The following DDX21 variants were observed in gnomAD, a reference collection of about 807,000 sequenced individuals.
The protein encoded by DDX21 is nucleolar RNA helicase 2.
Under a neutral mutation model 90.0 loss-of-function variants are expected in DDX21, and 18 were observed. The ratio of observed to expected loss-of-function variants is 0.20; its 90% CI spans 0.14 to 0.30. The LOEUF is 0.30. Ranked by LOEUF, DDX21 falls within the 10% of genes least tolerant of loss-of-function variation. DDX21 has a pLI of 1.00. For synonymous variants in DDX21, 294 were observed against 318.0 expected, an observed-to-expected ratio of 0.92 and a Z score of 0.80; for missense variants, 673 against 944.5, an observed-to-expected ratio of 0.71 and a Z score of 3.77.
rs765316333 is a variant in DDX21, at chr10:68,971,973, T to C, written c.1469T>C (p.Val490Ala). Residue 490 changes from valine (V) to alanine (A), a missense_variant, in exon 9 of 15, where the codon GTT becomes GCT. Physicochemically the swap from Val to Ala is moderately conservative, Grantham distance 64. This residue lies in a region of DDX21 where 26 missense variants were observed against 76.9 expected (regional missense o/e 0.34). Coordinates refer to ENST00000354185, the MANE Select transcript of DDX21 (RefSeq NM_004728.4). ...GGTTTTAGAAATGGTAGTTTTGGAG[T>C]TTTGGTGGCAACCAATGTTGCTGCA... ...LKGFRNGSFG[V>A]LVATNVAARG... 4 of 1,614,022 alleles carry C rather than the reference T, an allele frequency of 2.5e-6. No individual in the cohort carries two copies. In the Admixed American group the frequency reaches 5.0e-5, roughly 20 times the overall value.
chr10:68,958,281 T>A (rs1842827282), intron 1 of DDX21, among the ~76,000 whole-genome samples: 1 of 151,764 alleles, frequency 6.6e-6, no homozygotes, highest in African/African-American at 2.4e-5. Flanking sequence ...GCCCTTTTAT[T>A]TTTTGTAGAG....
Position 68,959,881 on chromosome 10 carries a change from G to A in DDX21, c.163G>A (p.Ala55Thr). The A allele has an allele frequency of 6.2e-7, 1 of 1,600,138 alleles. No individual in the cohort carries two copies. The highest frequency in any genetic ancestry group is 8.5e-7 in the Non-Finnish European group (1 of 1,177,256). ...AGAGGAAGAAACTGTTTTCCCCAAA[G>A]CTAAACAAGTTAAAAAGAAAGCAGA... ...AEEEETVFPKAKQVKKKAEPS... is the reference protein window; with the variant it reads ...AEEEETVFPKTKQVKKKAEPS... The change falls in exon 2 of 15, where the codon GCT (alanine) becomes ACT (threonine). Residue 55 changes from alanine (A) to threonine (T), a missense_variant. Physicochemically the swap from Ala to Thr is moderately conservative, Grantham distance 58. Around this residue, in one of 4 missense-constraint regions of DDX21, gnomAD observed 204 missense variants for 221.6 expected, o/e 0.92. Coordinates refer to ENST00000354185, the MANE Select transcript of DDX21 (RefSeq NM_004728.4).
At chr10:68,980,961 A>G (rs531297511) in intron 13 of DDX21, among the ~76,000 whole-genome samples, 20 of 148,930 alleles carry the variant, frequency 1.3e-4, no homozygotes, top group Middle Eastern at 3.5e-3. Context: ...CTTAAGAGGG[A>G]AAAAAAAAAG....
Position 68,956,202 on chromosome 10 carries a change from C to A in DDX21, c.-24C>A. 6.2e-7 allele frequency: 1 copy of A among 1,612,522 alleles called. No homozygotes were observed. Among genetic ancestry groups the A allele is most frequent in the African/African-American group, 1.3e-5 (1 of 75,022 alleles). On this transcript the variant is annotated 5_prime_UTR_variant, in exon 1 of 15. Coordinates refer to ENST00000354185, the MANE Select transcript of DDX21 (RefSeq NM_004728.4). ...TCTCCACGCGGTTGAGAAGACCGGT[C>A]GGCCTGGGCAACCTGCGCTGAAGAT...
chr10:68,984,477 T>C lies in DDX21; in HGVS notation c.*1665T>C, dbSNP rs1024700918. 6.6e-6 allele frequency: 1 copy of C among 152,230 alleles called. No individual in the cohort carries two copies. Among genetic ancestry groups the C allele is most frequent in the African/African-American group, 2.4e-5 (1 of 41,470 alleles). 9.4% of individuals were successfully genotyped at this position (152,230 alleles called of 1,614,324 possible). On this transcript the variant is annotated 3_prime_UTR_variant, in exon 15 of 15. Transcript: ENST00000354185. Reference sequence around the variant, plus strand: ...TTATTCCTTGATCCACTTGCCAGTTTTATCACTTTACCCTTGTTCCTCATG... The same window carrying C: ...TTATTCCTTGATCCACTTGCCAGTTCTATCACTTTACCCTTGTTCCTCATG...
intron 11 of DDX21, among the ~76,000 whole-genome samples, chr10:68,977,091 C>T (rs1488965399): frequency 2.0e-5 from 3 of 151,750 alleles, no homozygotes; most frequent in African/African-American, 7.3e-5. Flanking sequence ...TTTTAAACTT[C>T]AGAATGGAAA....
intron 7 of DDX21, 75 bp downstream of exon 7, chr10:68,969,196 A>G: frequency 7.2e-7 from 1 of 1,382,538 alleles, no homozygotes; most frequent in Non-Finnish European, 9.8e-7. Flanking sequence ...TAAGACTGGC[A>G]AATGCTCTTT....
intron 2 of DDX21, among the ~76,000 whole-genome samples, chr10:68,960,895 T>C (rs1010729171): frequency 2.0e-5 from 3 of 152,106 alleles, no homozygotes; most frequent in Admixed American, 6.6e-5. Flanking sequence ...ACAGAAGAGA[T>C]ACAGTTTTGT....
In DDX21 at chr10:68,956,231, G is replaced by A; in HGVS notation, c.6G>A (p.Pro2=). The part of the protein sequence containing the change: M[P]GKLRSDAGLE... ...CTGGGCAACCTGCGCTGAAGATGCC[G>A]GGAAAACTCCGTAGTGACGCTGGTT... Residue 2 remains proline (P), a synonymous_variant, in exon 1 of 15, where the codon CCG becomes CCA. Coordinates refer to ENST00000354185, the MANE Select transcript of DDX21 (RefSeq NM_004728.4). 2 of 1,614,010 alleles carry A rather than the reference G, an allele frequency of 1.2e-6. No individual in the cohort carries two copies. Among genetic ancestry groups the A allele is most frequent in the Admixed American group, 1.7e-5 (1 of 60,008 alleles).
At chr10:68,974,825 TAAA>T in intron 11 of DDX21, 82 bp downstream of exon 11, 3 of 1,243,666 alleles carry the variant, frequency 2.4e-6, no homozygotes, top group East Asian at 2.7e-5. Context: ...AGATTTGACT[TAAA>T]AAAATTTTTT....
At chr10:68,971,138 C>CA (rs1208726945) in intron 8 of DDX21, among the ~76,000 whole-genome samples, 1 of 151,464 alleles carries the variant, frequency 6.6e-6, no homozygotes, top group Non-Finnish European at 1.5e-5. Context: ...TCATGTGCCA[C>CA]ATATTATCAT....
chr10:68,957,929 A>G (rs973649491), intron 1 of DDX21, among the ~76,000 whole-genome samples: 2 of 152,126 alleles, frequency 1.3e-5, no homozygotes, highest in African/African-American at 2.4e-5. Flanking sequence ...AGTAGTATGA[A>G]AAGTTGTAGA....
At chr10:68,980,171 C>G (rs1843165195) in intron 13 of DDX21, among the ~76,000 whole-genome samples, 1 of 152,042 alleles carries the variant, frequency 6.6e-6, no homozygotes, top group African/African-American at 2.4e-5. Context: ...ACCCGGGTGG[C>G]AGAGGTTGCG....
chr10:68,971,648 G>C (rs1564628389), intron 8 of DDX21, among the ~76,000 whole-genome samples: 1 of 152,168 alleles, frequency 6.6e-6, no homozygotes. Flanking sequence ...TGATAAAATA[G>C]GTTTGATCAC....
At chr10:68,976,426 T>C (rs567500096) in intron 11 of DDX21, among the ~76,000 whole-genome samples, 16 of 152,126 alleles carry the variant, frequency 1.1e-4, no homozygotes, top group Admixed American at 9.2e-4. Context: ...TAGCTGGGAC[T>C]ACAGGCACCT....
rs373724079 is a variant in DDX21 at position 68,963,474 on chromosome 10, C to T, written c.786+5C>T. 7.5e-6 allele frequency: 12 copies of T among 1,607,192 alleles called. No individual in the cohort carries two copies. The African/African-American group carries it at 8.0e-5, about 11-fold the overall frequency. ...AAGAGAGGCCGTGCCCCTCAGGTAA[C>T]TGTCTTAAATACAAGGGCTCTCAGT... On this transcript the variant is annotated splice_donor_5th_base_variant and intron_variant, in intron 4 of 14. Coordinates refer to ENST00000354185, the MANE Select transcript of DDX21 (RefSeq NM_004728.4).
chr10:68,975,777 G>A (rs1019699747), intron 11 of DDX21, among the ~76,000 whole-genome samples: 3 of 152,016 alleles, frequency 2.0e-5, no homozygotes, highest in African/African-American at 7.3e-5. Context: ...GGCCGGGTGC[G>A]GTGGCTCACA....
rs200756197 is a variant in DDX21 at position 68,982,784 on chromosome 10, G to A, written c.2324G>A (p.Arg775Gln). 8.1e-6 allele frequency: 13 copies of A among 1,613,970 alleles called. No individual in the cohort carries two copies. The highest frequency in any genetic ancestry group is 2.2e-5 in the South Asian group (2 of 91,078). Residue 775 changes from arginine to glutamine, a missense_variant, in exon 15 of 15, where the codon CGG becomes CAG. Transcript: ENST00000354185. Reference protein sequence around the residue: ...SNRSQNKGQKRSFSKAFGQ With the variant: ...SNRSQNKGQKQSFSKAFGQ ...AGATCCCAAAACAAAGGCCAGAAGCGGAGTTTCAGTAAAGCATTTGGTCAA... is the reference window on the plus strand; with the variant it reads ...AGATCCCAAAACAAAGGCCAGAAGCAGAGTTTCAGTAAAGCATTTGGTCAA...
At chr10:68,964,490 G>A (rs1055252183) in intron 4 of DDX21, among the ~76,000 whole-genome samples, 5 of 152,112 alleles carry the variant, frequency 3.3e-5, no homozygotes, top group Non-Finnish European at 5.9e-5. Context: ...AGCCTCCCAA[G>A]TAGCTGGGAT....
Sources: allele counts gnomAD v4.1 joint callset (sites outside exome capture counted in the v4.1 genomes callset), GRCh38; gene constraint gnomAD v4.1.1; regional missense constraint gnomAD v4.1.1; transcripts MANE v1.5; gene names NCBI Gene and HGNC (gene_info 2026-07-23, HGNC 2026-07-21).